Variants in CHD2 observed in about 807,000 individuals in gnomAD.
CHD2 encodes the protein ATP-dependent chromatin remodeler CHD2.
CHD2 carries 28 observed loss-of-function variants against 243.9 expected under a neutral mutation model. The ratio of observed to expected loss-of-function variants is 0.11; its 90% CI spans 0.09 to 0.16. The LOEUF is 0.16. Ranked by LOEUF, CHD2 falls within the 10% of genes least tolerant of loss-of-function variation. The probability of loss-of-function intolerance (pLI) is 1.00; values close to 1 mark genes in which losing one functional copy is unlikely to be tolerated. For missense variants in CHD2, 1,386 were observed against 2,209.8 expected (o/e 0.63, Z 7.47); for synonymous variants, 775 against 779.0 (o/e 0.99, Z 0.09).
Position 92,942,509 on chromosome 15 carries a change from A to G in CHD2, c.827-334A>G, listed in dbSNP as rs560577582. 1.3e-4 allele frequency among the ~76,000 whole-genome samples: 19 copies of G among 150,228 alleles called. 1 individual carries two copies. The South Asian group carries it at 4.0e-3, about 31-fold the overall frequency. On this transcript the variant is annotated intron_variant, in intron 8 of 38. Transcript: ENST00000394196. Reference sequence around the variant, plus strand: ...TTGGAGGAGGATATTTTGGTGTTCTATCCTTAGTCTTGGAGAGAGGGATTT... The same window carrying G: ...TTGGAGGAGGATATTTTGGTGTTCTGTCCTTAGTCTTGGAGAGAGGGATTT...
intron 17 of CHD2, among the ~76,000 whole-genome samples, chr15:92,969,016 C>T (rs1396730260): frequency 3.3e-5 from 5 of 152,204 alleles, no homozygotes; most frequent in African/African-American, 1.2e-4. Flanking sequence ...CTGCATACTC[C>T]TTTACTAGGA....
chr15:93,024,823 C>T lies in CHD2; in HGVS notation c.*118C>T, dbSNP rs2054573084. 1 of 854,034 alleles carries T rather than the reference C, an allele frequency of 1.2e-6. No individual in the cohort carries two copies. Among genetic ancestry groups the T allele is most frequent in the Middle Eastern group, 3.5e-4 (1 of 2,824 alleles). The allele number at this position is 854,034 out of a possible 1,614,324, so 52.9% of individuals were successfully genotyped here. ...GGAGTTTTGGACATGCTGCTGCTGTCAACTCACTGGCTGAAGGAGCACTTC... is the reference window on the plus strand; with the variant it reads ...GGAGTTTTGGACATGCTGCTGCTGTTAACTCACTGGCTGAAGGAGCACTTC... On this transcript the variant is annotated 3_prime_UTR_variant, in exon 39 of 39. Transcript: ENST00000394196.
intron 17 of CHD2, among the ~76,000 whole-genome samples, chr15:92,971,017 CT>C (rs1329217085): frequency 7.2e-5 from 11 of 152,142 alleles, no homozygotes; most frequent in Non-Finnish European, 1.5e-4. Context: ...AGATAAAATA[CT>C]CTTTTACAAT....
intron 16 of CHD2, 32 bp downstream of exon 16, chr15:92,956,681 C>CTA: frequency 1.3e-6 from 2 of 1,560,764 alleles, no homozygotes; most frequent in Non-Finnish European, 1.7e-6. Flanking sequence ...TCAAAAGATG[C>CTA]TAGAATGTCT....
intron 31 of CHD2, among the ~76,000 whole-genome samples, chr15:92,999,013 G>T (rs1367289226): frequency 6.9e-6 from 1 of 144,890 alleles, no homozygotes; most frequent in African/African-American, 2.5e-5. Context: ...GAACCCGGGA[G>T]GCGGAGCTTG....
At chr15:92,978,713 GGTTT>G (rs1411073956) in intron 21 of CHD2, among the ~76,000 whole-genome samples, 2 of 152,266 alleles carry the variant, frequency 1.3e-5, no homozygotes, top group South Asian at 2.1e-4. Flanking sequence ...TGTTCAAGAT[GGTTT>G]GTTTTTATTA....
At chr15:93,014,602 C>A in intron 36 of CHD2, 94 bp from the exon 37 acceptor site, 3 of 1,090,902 alleles carry the variant, frequency 2.8e-6, no homozygotes, top group Non-Finnish European at 4.0e-6. Flanking sequence ...TTAAGAAGGA[C>A]AAGAAGGAGC....
At chr15:92,942,410 T>TC (rs1376596637) in intron 8 of CHD2, among the ~76,000 whole-genome samples, 1 of 151,952 alleles carries the variant, frequency 6.6e-6, no homozygotes, top group African/African-American at 2.4e-5. Context: ...TTTGGCTTTT[T>TC]TTTTTTTTTC....
At position 92,969,384 on chromosome 15, in the gene CHD2, G is replaced by A. The variant is rs139697679; in HGVS notation, c.2189+1871G>A. ...CCTGTCCTCAGGCATAGGCCCTTCT[G>A]CTCTTCCCACTGTAGAGCAGCACCC... On this transcript the variant is annotated intron_variant, in intron 17 of 38. Transcript: ENST00000394196. Among the ~76,000 whole-genome samples, 86 of 152,328 alleles carry A rather than the reference G, an allele frequency of 5.6e-4. 1 individual carries two copies. The East Asian group carries it at 0.015, about 27-fold the overall frequency.
At chr15:92,938,799 C>G (rs1015076086) in intron 6 of CHD2, among the ~76,000 whole-genome samples, 1 of 152,112 alleles carries the variant, frequency 6.6e-6, no homozygotes, top group African/African-American at 2.4e-5. Flanking sequence ...TGGGGATTTC[C>G]TTAGGTGAGC....
chr15:93,011,188 G>C (rs536313199), intron 35 of CHD2, among the ~76,000 whole-genome samples: 1 of 152,198 alleles, frequency 6.6e-6, no homozygotes, highest in East Asian at 1.9e-4. Context: ...GCTAGCAGTA[G>C]TTTATAAGGT....
rs541747789 is a variant in CHD2 at position 93,026,781 on chromosome 15, G to C, written c.*2076G>C. 1 of 152,406 alleles carries C rather than the reference G, an allele frequency of 6.6e-6. No homozygotes were observed. Among genetic ancestry groups the C allele is most frequent in the Admixed American group, 6.5e-5 (1 of 15,304 alleles). The allele number at this position is 152,406 out of a possible 1,614,324, so 9.4% of individuals were successfully genotyped here. ...AAGAGGAAGGTTAGGTTGGCTTGTCGAGCCCTTGAGCGTTGGGAGATGGGG... is the reference window on the plus strand; with the variant it reads ...AAGAGGAAGGTTAGGTTGGCTTGTCCAGCCCTTGAGCGTTGGGAGATGGGG... On this transcript the variant is annotated 3_prime_UTR_variant, in exon 39 of 39. Coordinates refer to ENST00000394196, the MANE Select transcript of CHD2 (RefSeq NM_001271.4).
At chr15:92,926,189 T>C (rs900360219) in intron 3 of CHD2, among the ~76,000 whole-genome samples, 1 of 152,196 alleles carries the variant, frequency 6.6e-6, no homozygotes, top group Non-Finnish European at 1.5e-5. Context: ...CCCAGGCTGA[T>C]CTTGAGCTCC....
chr15:93,002,227 GAAC>G lies in CHD2; in HGVS notation c.4191_4193del (p.Asn1397del). 2 of 1,597,520 alleles carry G rather than the reference GAAC, an allele frequency of 1.3e-6. No individual in the cohort carries two copies. Among genetic ancestry groups the G allele is most frequent in the Non-Finnish European group, 1.7e-6 (2 of 1,170,896 alleles). On this transcript the variant is annotated inframe_deletion, in exon 33 of 39. Transcript: ENST00000394196. The stretch of plus-strand genomic sequence containing the variant: ...TGAAAAAAAAACAGAAGAAGAAAGA[GAAC>G]AAGGAGAACAAGGAGAAACAAATGA...
In CHD2 at chr15:93,000,537, G is replaced by C. The variant is rs751507887; in HGVS notation, c.4034G>C (p.Arg1345Pro). 1.2e-5 allele frequency: 19 copies of C among 1,611,386 alleles called. No individual in the cohort carries two copies. The highest frequency in any genetic ancestry group is 1.0e-4 in the Admixed American group (6 of 59,574). Reference protein sequence around the residue: ...EEAKLKKRKPRVKKENKVPRL... With the variant: ...EEAKLKKRKPPVKKENKVPRL... ...GCCAAATTAAAGAAGCGGAAGCCTC[G>C]GGTAAAGAAGGAAAACAAAGTGCCC... is the stretch of plus-strand genomic sequence containing the variant. Residue 1345 changes from arginine (R) to proline (P), a missense_variant, in exon 32 of 39, where the codon CGG becomes CCG. By Grantham distance (103) the Arg-to-Pro change is moderately radical (BLOSUM62 -2). This residue lies in a region of CHD2 where 125 missense variants were observed against 128.9 expected (regional missense o/e 0.97). Transcript: ENST00000394196.
At position 92,967,529 on chromosome 15, in the gene CHD2, G is replaced by A; in HGVS notation, c.2189+16G>A. On this transcript the variant is annotated intron_variant, in intron 17 of 38. Coordinates refer to ENST00000394196, the MANE Select transcript of CHD2 (RefSeq NM_001271.4). ...AGTATTACAAGTAAGTTCTTGTTTG[G>A]GTTAGGCCTGAAGGGGTTGAGATCA... is the stretch of plus-strand genomic sequence containing the variant. The A allele has an allele frequency of 6.2e-7, 1 of 1,610,226 alleles. No homozygotes were observed. The highest frequency in any genetic ancestry group is 1.3e-5 in the African/African-American group (1 of 74,896).
At chr15:92,959,987 GTC>G (rs1375099076) in intron 16 of CHD2, among the ~76,000 whole-genome samples, 1 of 152,138 alleles carries the variant, frequency 6.6e-6, no homozygotes, top group Non-Finnish European at 1.5e-5. Context: ...TTAATATTGA[GTC>G]TTCTAATCCA....
At chr15:92,923,084 C>G (rs1397589108) in intron 2 of CHD2, among the ~76,000 whole-genome samples, 2 of 152,174 alleles carry the variant, frequency 1.3e-5, no homozygotes, top group Non-Finnish European at 2.9e-5. Flanking sequence ...TCTGTTAAGT[C>G]TACCACTTCT....
At chr15:92,950,170 G>T (rs2053533964) in intron 13 of CHD2, among the ~76,000 whole-genome samples, 1 of 152,162 alleles carries the variant, frequency 6.6e-6, no homozygotes, top group Non-Finnish European at 1.5e-5. Flanking sequence ...AAAGTACAAG[G>T]ACATAGAATG....
Sources: allele counts gnomAD v4.1 joint callset (sites outside exome capture counted in the v4.1 genomes callset), GRCh38; gene constraint gnomAD v4.1.1; regional missense constraint gnomAD v4.1.1; transcripts MANE v1.5; gene names NCBI Gene and HGNC (gene_info 2026-07-23, HGNC 2026-07-21).